Variants in NUP93 observed in about 807,000 individuals in gnomAD.
NUP93 encodes the protein nucleoporin 93, also known as nuclear pore complex protein Nup93.
In NUP93, 55 loss-of-function variants were observed where a neutral mutation model predicts 107.8. The observed-to-expected ratio is 0.51, with a 90% CI of 0.41 to 0.64. The LOEUF (loss-of-function observed/expected upper bound fraction) is 0.64. Ranked by LOEUF, NUP93 falls within the 30% of genes least tolerant of loss-of-function variation. The probability of loss-of-function intolerance (pLI) is 0.00; values close to 1 mark genes in which losing one functional copy is unlikely to be tolerated. For missense variants in NUP93, 937 were observed against 1,044.7 expected (o/e 0.90, Z 1.42); for synonymous variants, 390 against 397.5 (o/e 0.98, Z 0.22).
At chr16:56,826,555 C>T (rs1401437335) in intron 8 of NUP93, among the ~76,000 whole-genome samples, 1 of 149,894 alleles carries the variant, frequency 6.7e-6, no homozygotes, top group Non-Finnish European at 1.5e-5. Context: ...ATGGGGAACT[C>T]ATTAACATTT....
chr16:56,829,779 C>A (rs1163997504), intron 9 of NUP93, among the ~76,000 whole-genome samples: 1 of 152,112 alleles, frequency 6.6e-6, no homozygotes, highest in African/African-American at 2.4e-5. Flanking sequence ...GCCTTAAGTG[C>A]CAGGCCCAGC....
At chr16:56,790,271 T>G (rs2164514) in intron 3 of NUP93, among the ~76,000 whole-genome samples, 147,674 of 152,272 alleles carry the variant, frequency 0.97, 71,647 homozygotes, top group East Asian at 1. Flanking sequence ...TTATTTTATT[T>G]CAGTAATAGT....
intron 7 of NUP93, 57 bp downstream of exon 7, chr16:56,821,650 G>A: frequency 8.9e-7 from 1 of 1,118,360 alleles, no homozygotes; most frequent in Non-Finnish European, 1.3e-6. Context: ...GATGGGCCTA[G>A]CAACTTGCCG....
chr16:56,786,646 T>C (rs1962633652), intron 3 of NUP93, among the ~76,000 whole-genome samples: 1 of 152,232 alleles, frequency 6.6e-6, no homozygotes, highest in African/African-American at 2.4e-5. Flanking sequence ...AAATAAACTC[T>C]ATCTTGCAAG....
At chr16:56,760,163 C>T (rs974602345) in intron 3 of NUP93, among the ~76,000 whole-genome samples, 4 of 152,080 alleles carry the variant, frequency 2.6e-5, no homozygotes, top group Non-Finnish European at 4.4e-5. Context: ...TTGGAATGAG[C>T]GCATCAGAGC....
rs753704937 is a variant in NUP93 at position 56,839,033 on chromosome 16, C to T, written c.2100C>T (p.Asp700=). Residue 700 remains aspartate, a synonymous_variant, in exon 19 of 22, where the codon GAC becomes GAT. Transcript: ENST00000308159. ...TTTTGGACTTGATCACCTTTTTTGA[C>T]GAGTATCATAGTGGTCATATTGATA... ...YLLLDLITFF[D]EYHSGHIDRA... 5.6e-5 allele frequency: 91 copies of T among 1,613,568 alleles called. No homozygotes were observed. The highest frequency in any genetic ancestry group is 6.9e-5 in the Non-Finnish European group (81 of 1,179,762).
In NUP93 at chr16:56,748,355, C is replaced by G. The variant is rs1961857456; in HGVS notation, c.108C>G (p.Ile36Met). The G allele has an allele frequency of 5.0e-6, 8 of 1,614,002 alleles. No individual in the cohort carries two copies. The highest frequency in any genetic ancestry group is 6.8e-6 in the Non-Finnish European group (8 of 1,180,016). Residue 36 changes from isoleucine to methionine, a missense_variant, in exon 2 of 22, where the codon ATC (isoleucine) becomes ATG (methionine). Physicochemically the swap from Ile to Met is conservative, Grantham distance 10. Coordinates refer to ENST00000308159, the MANE Select transcript of NUP93 (RefSeq NM_014669.5). ...ATGTGGAACGGAACTTACAGGAGAT[C>G]CAGCAGGCGGGAGAGCGCCTGCGTT... is the stretch of plus-strand genomic sequence containing the variant. ...LPHVERNLQE[I>M]QQAGERLRSR...
chr16:56,742,513 C>CCCT (rs1351788021), intron 1 of NUP93, among the ~76,000 whole-genome samples: 1 of 152,196 alleles, frequency 6.6e-6, no homozygotes, highest in East Asian at 1.9e-4. Context: ...TGTTGGTTTA[C>CCCT]ATATTATCTA....
At chr16:56,833,557 G>C (rs557844308) in intron 13 of NUP93, 151 bp downstream of exon 13, 263 of 598,902 alleles carry the variant, frequency 4.4e-4, no homozygotes, top group South Asian at 4.0e-3. Flanking sequence ...TAGATGATTA[G>C]TGTTAAGGGT....
intron 3 of NUP93, among the ~76,000 whole-genome samples, chr16:56,769,427 G>A (rs1386329115): frequency 1.3e-5 from 2 of 152,200 alleles, no homozygotes; most frequent in Non-Finnish European, 2.9e-5. Context: ...GCGTTGGGAG[G>A]TGGTGGTTGA....
chr16:56,803,874 C>T (rs1963075722), intron 4 of NUP93, among the ~76,000 whole-genome samples: 1 of 152,102 alleles, frequency 6.6e-6, no homozygotes, highest in South Asian at 2.1e-4. Flanking sequence ...GTCGCAGCCT[C>T]CCAAGTAGCT....
At chr16:56,834,488 A>C (rs1441999076) in intron 15 of NUP93, 46 bp downstream of exon 15, 1 of 1,584,734 alleles carries the variant, frequency 6.3e-7, no homozygotes, top group African/African-American at 1.3e-5. Flanking sequence ...TTCAGTGTGC[A>C]TGTCCCATGC....
intron 2 of NUP93, among the ~76,000 whole-genome samples, chr16:56,751,538 A>G (rs991609764): frequency 1.3e-5 from 2 of 152,206 alleles, no homozygotes; most frequent in African/African-American, 4.8e-5. Flanking sequence ...TCATATTTGT[A>G]TGGTACTTTT....
intron 3 of NUP93, among the ~76,000 whole-genome samples, chr16:56,765,702 T>C (rs1402055540): frequency 6.6e-6 from 1 of 152,202 alleles, no homozygotes; most frequent in Non-Finnish European, 1.5e-5. Context: ...TAAACATATT[T>C]GCTGTTCCTT....
intron 8 of NUP93, among the ~76,000 whole-genome samples, chr16:56,826,021 G>A (rs546216802): frequency 1.3e-5 from 2 of 152,234 alleles, no homozygotes; most frequent in South Asian, 2.1e-4. Flanking sequence ...TATAGGATTG[G>A]TCTGTCTCTT....
chr16:56,820,800 AT>A (rs1963527303), intron 6 of NUP93, among the ~76,000 whole-genome samples: 1 of 152,164 alleles, frequency 6.6e-6, no homozygotes, highest in Non-Finnish European at 1.5e-5. Context: ...ACTAGTTAAG[AT>A]TTAGAACTAG....
Position 56,823,786 on chromosome 16 carries a change from G to A in NUP93, c.734G>A (p.Arg245His). 6.8e-6 allele frequency: 11 copies of A among 1,614,178 alleles called. 1 individual carries two copies. Among genetic ancestry groups the A allele is most frequent in the East Asian group, 2.2e-5 (1 of 44,890 alleles). Residue 245 changes from arginine to histidine, a missense_variant, in exon 8 of 22, where the codon CGC becomes CAC. Coordinates refer to ENST00000308159, the MANE Select transcript of NUP93 (RefSeq NM_014669.5). ...CCGGCAACGGATGCCCTGAAGAACC[G>A]CAGCAGCGTGGAAGTGCGCATGGAG... Reference protein sequence around the residue: ...LTPATDALKNRSSVEVRMEFV... With the variant: ...LTPATDALKNHSSVEVRMEFV...
intron 8 of NUP93, among the ~76,000 whole-genome samples, chr16:56,825,205 CTTTTTTTTTTTTT>C (rs34378384): frequency 3.3e-4 from 25 of 76,344 alleles, no homozygotes; most frequent in African/African-American, 1.4e-3. Flanking sequence ...CCATACCCAG[CTTTTTTTTTTTTT>C]TTTTTTTTTT....
intron 16 of NUP93, among the ~76,000 whole-genome samples, chr16:56,835,855 G>A (rs911223896): frequency 6.6e-6 from 1 of 152,080 alleles, no homozygotes; most frequent in African/African-American, 2.4e-5. Context: ...CCAGCCGGGC[G>A]CGGTGGCTCA....
Sources: allele counts gnomAD v4.1 joint callset (sites outside exome capture counted in the v4.1 genomes callset), GRCh38; gene constraint gnomAD v4.1.1; transcripts MANE v1.5; gene names NCBI Gene and HGNC (gene_info 2026-07-23, HGNC 2026-07-21).